SUCLG2: variants seen among roughly 807,000 people sequenced by gnomAD.
SUCLG2 encodes succinate--CoA ligase [GDP-forming] subunit beta, mitochondrial.
SUCLG2 carries 42 observed loss-of-function variants against 47.9 expected under a neutral mutation model. The observed-to-expected ratio is 0.88, with a 90% CI of 0.69 to 1.14. SUCLG2 has a LOEUF of 1.14. SUCLG2 is among the 50% of genes most tolerant of loss of function. The probability of loss-of-function intolerance (pLI) is 0.00; values close to 1 mark genes in which losing one functional copy is unlikely to be tolerated. For synonymous variants in SUCLG2, 195 were observed against 197.3 expected (o/e 0.99, Z 0.10); for missense variants, 571 against 525.9 (o/e 1.09, Z -0.84).
rs767326428 is a variant in SUCLG2 at position 67,654,510 on chromosome 3, C to A, written c.77G>T (p.Gly26Val). 2 of 1,241,826 alleles carry A rather than the reference C, an allele frequency of 1.6e-6. No homozygotes were observed. The highest frequency in any genetic ancestry group is 2.0e-6 in the Non-Finnish European group (2 of 991,528). The allele number at this position is 1,241,826 out of a possible 1,614,324, so 76.9% of individuals were successfully genotyped here. Residue 26 changes from glycine to valine, a missense_variant, in exon 1 of 11, where the codon GGG (glycine) becomes GTG (valine). Physicochemically the swap from Gly to Val is moderately radical, Grantham distance 109. Coordinates refer to ENST00000307227, the MANE Select transcript of SUCLG2 (RefSeq NM_003848.4). ...LALRPRFLAA[G>V]SQAVQLTSRR... Reference sequence around the variant, plus strand: ...TCCTGCCCCCACGCTCACCTGGGACCCGGCCGCCAGGAAGCGGGGCCGCAG... The same window carrying A: ...TCCTGCCCCCACGCTCACCTGGGACACGGCCGCCAGGAAGCGGGGCCGCAG...
chr3:67,615,621 A>AACACAAACAC (rs369071144), intron 1 of SUCLG2, among the ~76,000 whole-genome samples: 1 of 142,086 alleles, frequency 7.0e-6, no homozygotes, highest in Non-Finnish European at 1.5e-5. Flanking sequence ...CACAAACACA[A>AACACAAACAC]ACACACACAC....
chr3:67,653,931 G>C (rs957817139), intron 1 of SUCLG2, among the ~76,000 whole-genome samples: 4 of 152,190 alleles, frequency 2.6e-5, no homozygotes, highest in African/African-American at 9.7e-5. Flanking sequence ...TTTTTCATTG[G>C]AAAGAGGAGA....
At chr3:67,644,605 G>A (rs1027510993) in intron 1 of SUCLG2, among the ~76,000 whole-genome samples, 6 of 151,808 alleles carry the variant, frequency 4.0e-5, no homozygotes, top group African/African-American at 9.7e-5. Context: ...GTCCGAGTAT[G>A]GTTAAAATGG....
At chr3:67,650,219 G>A (rs1701262549) in intron 1 of SUCLG2, among the ~76,000 whole-genome samples, 2 of 152,118 alleles carry the variant, frequency 1.3e-5, no homozygotes, top group East Asian at 1.9e-4. Flanking sequence ...CAATGCAGCC[G>A]CCACAGCCTC....
chr3:67,409,130 T>TAA, intron 9 of SUCLG2: 1 of 1,325,366 alleles, frequency 7.5e-7, no homozygotes. Flanking sequence ...TGTTTACTGA[T>TAA]AAAAGAGTTG....
chr3:67,595,750 A>T (rs967210460), intron 2 of SUCLG2, among the ~76,000 whole-genome samples: 1 of 152,230 alleles, frequency 6.6e-6, no homozygotes. Flanking sequence ...GAGATAAAGC[A>T]GGATAAACAC....
chr3:67,498,020 C>T, intron 8 of SUCLG2, 114 bp downstream of exon 8: 1 of 1,144,800 alleles, frequency 8.7e-7, no homozygotes, highest in East Asian at 2.4e-5. Flanking sequence ...GACTTTTCAG[C>T]TACAAAAAAA....
chr3:67,367,160 T>A (rs1038163011), intron 10 of SUCLG2, among the ~76,000 whole-genome samples: 2 of 152,126 alleles, frequency 1.3e-5, no homozygotes, highest in East Asian at 3.8e-4. Context: ...GATCTAAAAC[T>A]AAGATGAGTT....
intron 2 of SUCLG2, among the ~76,000 whole-genome samples, chr3:67,597,923 G>A (rs900684378): frequency 8.6e-5 from 13 of 151,956 alleles, no homozygotes; most frequent in Admixed American, 7.2e-4. Context: ...GGGCAACAGA[G>A]TGAGACTCCA....
At chr3:67,422,473 CAAAAAAAAAAAAAAAAAAAA>C (rs58345420) in intron 9 of SUCLG2, among the ~76,000 whole-genome samples, 1 of 30,664 alleles carries the variant, frequency 3.3e-5, no homozygotes, top group South Asian at 3.1e-3. Flanking sequence ...GACTCCATCT[CAAAAAAAAAAAAAAAAAAAA>C]AAAAAAAAAA....
chr3:67,602,688 T>TTA (rs1708445303), intron 2 of SUCLG2, among the ~76,000 whole-genome samples: 1 of 152,146 alleles, frequency 6.6e-6, no homozygotes, highest in Admixed American at 6.5e-5. Flanking sequence ...GGAAAACCAT[T>TTA]AATTTAAATT....
chr3:67,386,912 C>T (rs1702271937), intron 10 of SUCLG2, among the ~76,000 whole-genome samples: 1 of 152,042 alleles, frequency 6.6e-6, no homozygotes, highest in Non-Finnish European at 1.5e-5. Flanking sequence ...GCTGGTGTAC[C>T]CCCATCCTTT....
chr3:67,526,011 G>A (rs1041815572), intron 4 of SUCLG2, among the ~76,000 whole-genome samples: 3 of 152,054 alleles, frequency 2.0e-5, no homozygotes, highest in African/African-American at 7.2e-5. Flanking sequence ...CCTGAGATTT[G>A]GTCATTTATA....
intron 1 of SUCLG2, among the ~76,000 whole-genome samples, chr3:67,639,311 T>A (rs1285850661): frequency 1.3e-5 from 2 of 152,128 alleles, no homozygotes; most frequent in Non-Finnish European, 2.9e-5. Context: ...AAGTCAATGA[T>A]ATTGATACTT....
At chr3:67,627,332 T>C (rs1575827674) in intron 1 of SUCLG2, among the ~76,000 whole-genome samples, 1 of 152,192 alleles carries the variant, frequency 6.6e-6, no homozygotes, top group Non-Finnish European at 1.5e-5. Context: ...AGTACACAAC[T>C]AACCATACAC....
At chr3:67,516,260 CACTT>C (rs1393503007) in intron 6 of SUCLG2, among the ~76,000 whole-genome samples, 2 of 152,104 alleles carry the variant, frequency 1.3e-5, no homozygotes, top group Non-Finnish European at 2.9e-5. Context: ...ACAATATGGC[CACTT>C]ACTTATCCCT....
intron 1 of SUCLG2, among the ~76,000 whole-genome samples, chr3:67,619,722 C>T (rs1003091002): frequency 1.3e-5 from 2 of 152,180 alleles, no homozygotes; most frequent in Non-Finnish European, 2.9e-5. Flanking sequence ...ATGTAAAACA[C>T]TTTGTAGTAA....
chr3:67,411,852 G>C (rs1197089215), intron 9 of SUCLG2, among the ~76,000 whole-genome samples: 2 of 152,086 alleles, frequency 1.3e-5, no homozygotes, highest in Admixed American at 6.6e-5. Flanking sequence ...GGTAAATTAA[G>C]AGGAAAACCA....
At position 67,513,396 on chromosome 3, in the gene SUCLG2, C is replaced by G. The variant is rs185930281; in HGVS notation, c.661-4493G>C. Reference sequence around the variant, plus strand: ...TTTTCTGTTTTAATTTTTACTGTTGCACAAAGGCAGACCATAATTTTTTTG... The same window carrying G: ...TTTTCTGTTTTAATTTTTACTGTTGGACAAAGGCAGACCATAATTTTTTTG... On this transcript the variant is annotated intron_variant, in intron 6 of 10. Transcript: ENST00000307227. Among the ~76,000 whole-genome samples the G allele has an allele frequency of 9.1e-4, 138 of 152,304 alleles. 1 individual carries two copies. Among genetic ancestry groups the G allele is most frequent in the African/African-American group, 3.2e-3 (131 of 41,564 alleles).
Sources: allele counts gnomAD v4.1 joint callset (sites outside exome capture counted in the v4.1 genomes callset), GRCh38; gene constraint gnomAD v4.1.1; transcripts MANE v1.5; gene names NCBI Gene and HGNC (gene_info 2026-07-23, HGNC 2026-07-21).